BMP6: variants seen among roughly 807,000 people sequenced by gnomAD.
BMP6 encodes bone morphogenetic protein 6.
In BMP6, 17 loss-of-function variants were observed where a neutral mutation model predicts 54.1. The ratio of observed to expected loss-of-function variants is 0.31; its 90% CI spans 0.22 to 0.47. BMP6 has a LOEUF of 0.47. Ranked by LOEUF, BMP6 falls within the 20% of genes least tolerant of loss-of-function variation. The pLI, the probability that BMP6 is intolerant of heterozygous loss-of-function variation, is 1.00. For missense variants in BMP6, 720 were observed against 690.4 expected (o/e 1.04, Z -0.48); for synonymous variants, 328 against 291.2 (o/e 1.13, Z -1.28).
At chr6:7,879,937 A>G (rs1362782059) in intron 5 of BMP6, 54 bp from the exon 6 acceptor site, 12 of 1,533,508 alleles carry the variant, frequency 7.8e-6, no homozygotes, top group South Asian at 1.1e-5. Context: ...AAAAGCACAA[A>G]TAGTGTGAGA....
intron 2 of BMP6, among the ~76,000 whole-genome samples, chr6:7,854,648 TAGTC>T (rs557168770): frequency 4.2e-4 from 64 of 152,128 alleles, no homozygotes; most frequent in Admixed American, 6.5e-4. Flanking sequence ...ATACAAAACT[TAGTC>T]AGGCGTGGTG....
chr6:7,765,941 C>CT (rs1757680031), intron 1 of BMP6, among the ~76,000 whole-genome samples: 1 of 152,228 alleles, frequency 6.6e-6, no homozygotes, highest in Non-Finnish European at 1.5e-5. Context: ...TTCTCTGACT[C>CT]TCCTGCCTCC....
In BMP6 at chr6:7,835,669, T is replaced by A. The variant is rs115349129; in HGVS notation, c.665-9471T>A. ...GTAAGGGGGCAAAAATGCGGTTATT[T>A]GACATTAATGGAACTCTATCAAGGC... On this transcript the variant is annotated intron_variant, in intron 1 of 6. Coordinates refer to ENST00000283147, the MANE Select transcript of BMP6 (RefSeq NM_001718.6). Among the ~76,000 whole-genome samples the A allele has an allele frequency of 2.8e-3, 421 of 152,276 alleles. 3 individuals are homozygous for A. Among genetic ancestry groups the A allele is most frequent in the African/African-American group, 9.7e-3 (404 of 41,530 alleles).
intron 1 of BMP6, among the ~76,000 whole-genome samples, chr6:7,787,521 G>A (rs967274028): frequency 7.2e-5 from 11 of 152,118 alleles, no homozygotes; most frequent in African/African-American, 1.4e-4. Flanking sequence ...AAAAAAGCTC[G>A]AAGAGGAATC....
intron 1 of BMP6, among the ~76,000 whole-genome samples, chr6:7,727,949 G>C (rs560219379): frequency 2.0e-5 from 3 of 152,012 alleles, no homozygotes; most frequent in South Asian, 2.1e-4. Flanking sequence ...CTTCTGCCCA[G>C]CTCTGGCCAG....
chr6:7,879,593 C>A (rs1398838665), intron 5 of BMP6, among the ~76,000 whole-genome samples: 1 of 152,130 alleles, frequency 6.6e-6, no homozygotes, highest in African/African-American at 2.4e-5. Context: ...TGAGAACCAT[C>A]ACTAGTTTGT....
intron 1 of BMP6, among the ~76,000 whole-genome samples, chr6:7,772,418 T>G (rs555154032): frequency 6.6e-6 from 1 of 152,182 alleles, no homozygotes; most frequent in South Asian, 2.1e-4. Flanking sequence ...TTATTTATGA[T>G]GAAATTATAA....
chr6:7,801,060 T>C (rs1758263215), intron 1 of BMP6, among the ~76,000 whole-genome samples: 1 of 152,190 alleles, frequency 6.6e-6, no homozygotes, highest in South Asian at 2.1e-4. Context: ...GAGGAAGATA[T>C]GTATCTCAGT....
intron 1 of BMP6, among the ~76,000 whole-genome samples, chr6:7,820,642 C>G (rs533351956): frequency 6.6e-6 from 1 of 152,282 alleles, no homozygotes; most frequent in East Asian, 1.9e-4. Flanking sequence ...TTCCCCGAGG[C>G]AGGTGAGCAT....
At chr6:7,869,649 G>A (rs1759488333) in intron 4 of BMP6, among the ~76,000 whole-genome samples, 1 of 152,168 alleles carries the variant, frequency 6.6e-6, no homozygotes, top group South Asian at 2.1e-4. Context: ...CATGGGCCCC[G>A]GCAGCCTTCC....
chr6:7,767,857 GC>G (rs1757715633), intron 1 of BMP6, among the ~76,000 whole-genome samples: 1 of 152,180 alleles, frequency 6.6e-6, no homozygotes, highest in Admixed American at 6.5e-5. Context: ...AACTGCTGTA[GC>G]TAGGCCTTTG....
intron 1 of BMP6, among the ~76,000 whole-genome samples, chr6:7,765,278 G>C (rs898033774): frequency 6.6e-6 from 1 of 152,202 alleles, no homozygotes; most frequent in African/African-American, 2.4e-5. Context: ...CCCAGAGAGG[G>C]GGAAACCCCA....
chr6:7,778,947 T>C (rs185351185), intron 1 of BMP6, among the ~76,000 whole-genome samples: 5 of 152,362 alleles, frequency 3.3e-5, no homozygotes, highest in African/African-American at 4.8e-5. Context: ...GATTATACAC[T>C]GAGGACAGGT....
rs570600923 is a variant in BMP6 at position 7,818,564 on chromosome 6, T to C, written c.665-26576T>C. ...GTTCTTTAGAGTGGCCTGGCACTTT[T>C]AGAGGTTTCTTTTCCTGCTAGACGG... On this transcript the variant is annotated intron_variant, in intron 1 of 6. Coordinates refer to ENST00000283147, the MANE Select transcript of BMP6 (RefSeq NM_001718.6). 1.8e-3 allele frequency among the ~76,000 whole-genome samples: 277 copies of C among 152,362 alleles called. 4 individuals are homozygous for C. The highest frequency in any genetic ancestry group is 6.3e-3 in the African/African-American group (263 of 41,586).
chr6:7,853,561 A>C (rs113403812), intron 2 of BMP6, among the ~76,000 whole-genome samples: 4,608 of 152,300 alleles, frequency 0.03, 89 homozygotes, highest in Middle Eastern at 0.075. Flanking sequence ...TTTGAAGAGA[A>C]GGGCAAATTT....
At chr6:7,858,459 C>T (rs1421194934) in intron 2 of BMP6, among the ~76,000 whole-genome samples, 2 of 152,056 alleles carry the variant, frequency 1.3e-5, no homozygotes, top group Admixed American at 6.6e-5. Flanking sequence ...CTGACTTTAG[C>T]ATTTGTATGT....
At chr6:7,774,344 GTT>G (rs1052936165) in intron 1 of BMP6, among the ~76,000 whole-genome samples, 1 of 152,212 alleles carries the variant, frequency 6.6e-6, no homozygotes, top group Non-Finnish European at 1.5e-5. Flanking sequence ...GAGGTCAGGA[GTT>G]TGAGACCATC....
chr6:7,833,267 G>A (rs1225688745), intron 1 of BMP6, among the ~76,000 whole-genome samples: 1 of 152,172 alleles, frequency 6.6e-6, no homozygotes, highest in Non-Finnish European at 1.5e-5. Flanking sequence ...TGATGTGACA[G>A]GAACCAAATT....
intron 1 of BMP6, among the ~76,000 whole-genome samples, chr6:7,730,731 G>A (rs1761839643): frequency 6.6e-6 from 1 of 152,090 alleles, no homozygotes; most frequent in South Asian, 2.1e-4. Context: ...CTCTATATAG[G>A]GATACTAGAG....
Sources: gnomAD v4.1 joint callset for allele counts (sites outside exome capture counted in the v4.1 genomes callset) on GRCh38, gnomAD v4.1.1 for gene constraint, MANE v1.5 for transcripts, NCBI Gene and HGNC (gene_info 2026-07-23, HGNC 2026-07-21) for gene names.